The following SEC14L1 variants were observed in gnomAD, a reference collection of about 807,000 sequenced individuals.
The protein encoded by SEC14L1 is SEC14 like lipid binding 1, also known as SEC14-like protein 1.
In SEC14L1, 48 loss-of-function variants were observed where a neutral mutation model predicts 85.3. That is an observed-to-expected ratio of 0.56 (90% CI 0.45 to 0.72). SEC14L1 has a LOEUF of 0.72. Ranked by LOEUF, SEC14L1 falls within the 30% of genes least tolerant of loss-of-function variation. SEC14L1 has a pLI of 0.00. For missense variants in SEC14L1, 682 were observed against 921.4 expected (o/e 0.74, Z 3.36); for synonymous variants, 391 against 355.5 (o/e 1.10, Z -1.12).
At chr17:77,164,394 A>G (rs1227733313) in intron 3 of SEC14L1, among the ~76,000 whole-genome samples, 1 of 152,168 alleles carries the variant, frequency 6.6e-6, no homozygotes, top group Admixed American at 6.5e-5. Flanking sequence ...ATTTTTTGAA[A>G]AACCTCCCAA....
At chr17:77,205,061 C>T (rs928405369) in intron 10 of SEC14L1, 11 of 523,614 alleles carry the variant, frequency 2.1e-5, no homozygotes, top group South Asian at 2.0e-4. Flanking sequence ...ACCTTTGCCA[C>T]ACATGACAGT....
chr17:77,145,617 T>C (rs1353946325), intron 3 of SEC14L1, among the ~76,000 whole-genome samples: 1 of 152,228 alleles, frequency 6.6e-6, no homozygotes, highest in Non-Finnish European at 1.5e-5. Context: ...TTATCTGTGC[T>C]GTTTTGGCTT....
chr17:77,114,836 C>CAAA (rs35413326), intron 3 of SEC14L1, among the ~76,000 whole-genome samples: 8 of 66,788 alleles, frequency 1.2e-4, no homozygotes, highest in East Asian at 4.0e-4. Context: ...ACTTCATCTC[C>CAAA]AAAAAAAAAA....
At chr17:77,150,064 G>C (rs1973487660) in intron 3 of SEC14L1, among the ~76,000 whole-genome samples, 1 of 152,196 alleles carries the variant, frequency 6.6e-6, no homozygotes, top group Non-Finnish European at 1.5e-5. Context: ...AGTAACCACA[G>C]TTGTCGATTA....
At position 77,202,324 on chromosome 17, in the gene SEC14L1, TAAAA is replaced by T. The variant is rs544122033; in HGVS notation, c.1010-1240_1010-1237del. On this transcript the variant is annotated intron_variant, in intron 9 of 16. Coordinates refer to ENST00000436233, the MANE Select transcript of SEC14L1 (RefSeq NM_001143998.2). ...AACACAGTGAGTTGTTGTCTCTACT[TAAAA>T]AAAAAGGAGGCTGGGCGCGGTGGCT... Among the ~76,000 whole-genome samples, 143 of 149,218 alleles carry T rather than the reference TAAAA, an allele frequency of 9.6e-4. 2 individuals carry two copies. In the East Asian group the frequency reaches 0.019, roughly 20 times the overall value.
intron 1 of SEC14L1, among the ~76,000 whole-genome samples, chr17:77,141,934 A>G (rs1283588029): frequency 6.6e-6 from 1 of 152,218 alleles, no homozygotes; most frequent in African/African-American, 2.4e-5. Flanking sequence ...TAAGGTTTGC[A>G]AAAGAAAAAG....
At chr17:77,183,269 A>C (rs1975119912) in intron 3 of SEC14L1, among the ~76,000 whole-genome samples, 1 of 152,210 alleles carries the variant, frequency 6.6e-6, no homozygotes, top group Non-Finnish European at 1.5e-5. Context: ...ATTTTTTAAA[A>C]AGTTGGTAGA....
At chr17:77,126,985 TTTTA>T (rs959416025) in intron 3 of SEC14L1, among the ~76,000 whole-genome samples, 3 of 151,884 alleles carry the variant, frequency 2.0e-5, no homozygotes, top group African/African-American at 7.2e-5. Flanking sequence ...TTTTTTTAAT[TTTTA>T]TTTATTTTTT....
rs1227312276 is a variant in SEC14L1, at chr17:77,212,030, C to G, written c.1692C>G (p.Ile564Met). 6.2e-7 allele frequency: 1 copy of G among 1,614,134 alleles called. No homozygotes were observed. The highest frequency in any genetic ancestry group is 1.7e-5 in the Admixed American group (1 of 60,024). Reference sequence around the variant, plus strand: ...GCAAAGGGGACATTGTGTTTAACATCTATCACTCCAAGAGGTCGCCACAAC... The same window carrying G: ...GCAAAGGGGACATTGTGTTTAACATGTATCACTCCAAGAGGTCGCCACAAC... The part of the protein sequence containing the change: ...DVCKGDIVFN[I>M]YHSKRSPQPP... Residue 564 changes from isoleucine to methionine, a missense_variant, in exon 15 of 17, where the codon ATC (isoleucine) becomes ATG (methionine). By Grantham distance (10) the Ile-to-Met change is conservative. This residue lies in a region of SEC14L1 where 420 missense variants were observed against 619.5 expected (regional missense o/e 0.68). Transcript: ENST00000436233.
chr17:77,116,832 A>G (rs1255149153), intron 3 of SEC14L1, among the ~76,000 whole-genome samples: 1 of 152,166 alleles, frequency 6.6e-6, no homozygotes, highest in Non-Finnish European at 1.5e-5. Flanking sequence ...CTCTGGGGTA[A>G]GTGGGACTGT....
chr17:77,175,745 G>T (rs898394407), intron 3 of SEC14L1, among the ~76,000 whole-genome samples: 1 of 152,170 alleles, frequency 6.6e-6, no homozygotes, highest in African/African-American at 2.4e-5. Flanking sequence ...GAGCACATTA[G>T]ATAATATTAT....
rs375869728 is a variant in SEC14L1, at chr17:77,156,910, G to C, written c.63+13251G>C. Among the ~76,000 whole-genome samples, 41 of 152,228 alleles carry C rather than the reference G, an allele frequency of 2.7e-4. No individual in the cohort carries two copies. In the East Asian group the frequency reaches 5.8e-3, roughly 21 times the overall value. ...TGTTTTGAGTGGCTTTTCTCCTGTA[G>C]TGATGAATACAAAGTATATACAAAA... On this transcript the variant is annotated intron_variant, in intron 3 of 16. Transcript: ENST00000436233.
rs376841241 is a variant in SEC14L1 at position 77,143,594 on chromosome 17, A to G, written c.-3A>G. On this transcript the variant is annotated 5_prime_UTR_variant, in exon 3 of 17. Coordinates refer to ENST00000436233, the MANE Select transcript of SEC14L1 (RefSeq NM_001143998.2). ...GTGAGAGGGTTGCTGTTGTATTGCA[A>G]TCATGGTGCAGAAATACCAGTCCCC... The G allele has an allele frequency of 5.3e-4, 850 of 1,612,882 alleles. No homozygotes were observed. The highest frequency in any genetic ancestry group is 6.8e-4 in the Non-Finnish European group (798 of 1,179,140).
At chr17:77,202,637 A>G (rs1976211991) in intron 9 of SEC14L1, among the ~76,000 whole-genome samples, 1 of 151,582 alleles carries the variant, frequency 6.6e-6, no homozygotes, top group African/African-American at 2.4e-5. Flanking sequence ...ACAAAAAAGG[A>G]GGCCCAGCAC....
intron 1 of SEC14L1, chr17:77,141,487 G>C (rs1275011149): frequency 6.6e-6 from 1 of 151,818 alleles, no homozygotes; most frequent in Non-Finnish European, 1.5e-5. Context: ...CGGGACCCCT[G>C]CTGAGCAGCC....
intron 10 of SEC14L1, among the ~76,000 whole-genome samples, chr17:77,204,935 C>G (rs77992638): frequency 6.6e-6 from 1 of 152,126 alleles, no homozygotes; most frequent in Non-Finnish European, 1.5e-5. Flanking sequence ...TCAGAGTGTT[C>G]TCACACTCAC....
At position 77,195,318 on chromosome 17, in the gene SEC14L1, T is replaced by C. The variant is rs113337260; in HGVS notation, c.709+407T>C. On this transcript the variant is annotated intron_variant, in intron 7 of 16. Transcript: ENST00000436233. ...GCCTAAGGAAGGTGTTTTTTTTTGT[T>C]TGTTTGTTTGTTTGTTTTGAGATAG... Among the ~76,000 whole-genome samples the C allele has an allele frequency of 3.5e-3, 532 of 150,590 alleles. 2 individuals are homozygous for C. Among genetic ancestry groups the C allele is most frequent in the African/African-American group, 0.012 (495 of 41,026 alleles).
At position 77,213,256 on chromosome 17, in the gene SEC14L1, G is replaced by A; in HGVS notation, c.1864-58G>A. 6.8e-7 allele frequency: 1 copy of A among 1,462,038 alleles called. No individual in the cohort carries two copies. 90.6% of individuals were successfully genotyped at this position (1,462,038 alleles called of 1,614,324 possible). A position where few individuals can be genotyped will look rare whatever the true frequency, so the allele number is the denominator to read the frequency against. On this transcript the variant is annotated intron_variant, in intron 15 of 16. Transcript: ENST00000436233. This position sits in a 1 kb window ranked among gnomAD's most constrained non-coding sequence, Gnocchi z 7.1. The stretch of plus-strand genomic sequence containing the variant: ...TCCCCTTGGCGCTTGTCAGGCCTGT[G>A]GTAGGCCAGGGGTCGGAAGCGAGTC...
At chr17:77,106,815 C>T (rs1393524710) in intron 3 of SEC14L1, among the ~76,000 whole-genome samples, 1 of 152,026 alleles carries the variant, frequency 6.6e-6, no homozygotes, top group Non-Finnish European at 1.5e-5. Context: ...CCAACCTAGG[C>T]AACAGAGTGA....
Sources: allele counts gnomAD v4.1 joint callset (sites outside exome capture counted in the v4.1 genomes callset), GRCh38; gene constraint gnomAD v4.1.1; regional missense constraint gnomAD v4.1.1; non-coding constraint Gnocchi (gnomAD v3.1); transcripts MANE v1.5; gene names NCBI Gene and HGNC (gene_info 2026-07-23, HGNC 2026-07-21).